Variants in PKP2 observed in about 807,000 individuals in gnomAD.
PKP2 encodes plakophilin-2.
A neutral mutation model predicts 83.4 loss-of-function variants in PKP2; 73 were observed. The ratio of observed to expected loss-of-function variants is 0.88; its 90% CI spans 0.72 to 1.06. PKP2 has a LOEUF of 1.06. Ranked by LOEUF, PKP2 falls within the 50% of genes least tolerant of loss-of-function variation. PKP2 has a pLI of 0.00. For synonymous variants in PKP2, 409 were observed against 430.4 expected (o/e 0.95, Z 0.62); for missense variants, 966 against 1,065.4 (o/e 0.91, Z 1.30).
chr12:32,880,335 G>A (rs964348603), intron 1 of PKP2, among the ~76,000 whole-genome samples: 2 of 152,024 alleles, frequency 1.3e-5, no homozygotes, highest in African/African-American at 4.8e-5. Flanking sequence ...GGGAGGCAGA[G>A]GTTGCAGTGA....
chr12:32,864,444 A>C (rs1956829427), intron 4 of PKP2, among the ~76,000 whole-genome samples: 1 of 151,758 alleles, frequency 6.6e-6, no homozygotes, highest in Non-Finnish European at 1.5e-5. Context: ...AGCATCTGGA[A>C]ATATGATAAA....
chr12:32,855,942 G>A (rs887159962), intron 4 of PKP2, among the ~76,000 whole-genome samples: 52 of 151,966 alleles, frequency 3.4e-4, no homozygotes, highest in African/African-American at 1.2e-3. Context: ...TATTTATTTC[G>A]ATTTAAAAAT....
intron 2 of PKP2, 62 bp downstream of exon 2, chr12:32,878,858 A>G: frequency 1.1e-6 from 1 of 924,450 alleles, no homozygotes; most frequent in Non-Finnish European, 1.8e-6. Context: ...AATCTTAGGA[A>G]GTTTGAAAAT....
Position 32,821,544 on chromosome 12 carries a change from A to G in PKP2, c.1840-15T>C, listed in dbSNP as rs1360375557. On this transcript the variant is annotated splice_polypyrimidine_tract_variant and intron_variant, in intron 8 of 12. Transcript: ENST00000340811. ...TCCTGGTATTGCTGACCACACACAA[A>G]AGGAATCCAGAATTAATGCATGTCA... is the stretch of plus-strand genomic sequence containing the variant. 1 of 1,613,832 alleles carries G rather than the reference A, an allele frequency of 6.2e-7. No homozygotes were observed. Among genetic ancestry groups the G allele is most frequent in the Non-Finnish European group, 8.5e-7 (1 of 1,179,836 alleles).
At position 32,877,901 on chromosome 12, in the gene PKP2, C is replaced by T; in HGVS notation, c.979G>A (p.Gly327Arg). 1 of 1,614,206 alleles carries T rather than the reference C, an allele frequency of 6.2e-7. No homozygotes were observed. ...TCAGTGAGCAGATTCCCACTTCCCC[C>T]TGCGGCCGCCTGGCCGACAGTCAAG... ...AHLTVGQAAA[G>R]GSGNLLTERS... Residue 327 changes from glycine (G) to arginine (R), a missense_variant, in exon 3 of 13, where the codon GGG becomes AGG. By Grantham distance (125) the Gly-to-Arg change is moderately radical (BLOSUM62 -2). Transcript: ENST00000340811.
intron 11 of PKP2, 65 bp from the exon 12 acceptor site, chr12:32,792,796 G>T: frequency 7.8e-7 from 1 of 1,288,560 alleles, no homozygotes; most frequent in Non-Finnish European, 1.1e-6. Flanking sequence ...CGGCCTGTGG[G>T]TGTTCTGTAA....
chr12:32,795,300 G>T lies in PKP2; in HGVS notation c.2357+809C>A, dbSNP rs183059845. 1.0e-3 allele frequency among the ~76,000 whole-genome samples: 155 copies of T among 150,642 alleles called. No individual in the cohort carries two copies. In the Middle Eastern group the frequency reaches 0.017, roughly 17 times the overall value. On this transcript the variant is annotated intron_variant, in intron 11 of 12. Transcript: ENST00000340811. The stretch of plus-strand genomic sequence containing the variant: ...TAAGATGCGGAAGAGATAAGACAGA[G>T]AAAAAACTGTGAAAGCAAGACTTTC...
At chr12:32,893,493 T>A (rs1957093155) in intron 1 of PKP2, 1 of 152,258 alleles carries the variant, frequency 6.6e-6, no homozygotes. Flanking sequence ...AATTGTTTCA[T>A]GGCATGCTAA....
rs553370009 is a variant in PKP2, at chr12:32,832,630, A to C, written c.1556+8398T>G. 2.0e-3 allele frequency among the ~76,000 whole-genome samples: 306 copies of C among 152,294 alleles called. 4 individuals carry two copies. The highest frequency in any genetic ancestry group is 5.1e-4 in the Non-Finnish European group (35 of 68,012). Reference sequence around the variant, plus strand: ...TCAGTTGTCTTTCTATTTTTGGGAAAGCCAATCTCTGGGGTGAACTATCTA... The same window carrying C: ...TCAGTTGTCTTTCTATTTTTGGGAACGCCAATCTCTGGGGTGAACTATCTA... On this transcript the variant is annotated intron_variant, in intron 6 of 12. Transcript: ENST00000340811.
chr12:32,842,953 G>A (rs551683241), intron 5 of PKP2, among the ~76,000 whole-genome samples: 11 of 151,332 alleles, frequency 7.3e-5, no homozygotes, highest in Non-Finnish European at 1.6e-4. Flanking sequence ...GATTACAGGC[G>A]TGAGCCACTG....
chr12:32,883,553 C>T (rs973112179), intron 1 of PKP2, among the ~76,000 whole-genome samples: 4 of 152,170 alleles, frequency 2.6e-5, no homozygotes, highest in Non-Finnish European at 5.9e-5. Context: ...CAAAAACATA[C>T]ACAAAGGTGC....
intron 5 of PKP2, among the ~76,000 whole-genome samples, chr12:32,845,960 A>C (rs1956641220): frequency 6.6e-6 from 1 of 152,230 alleles, no homozygotes; most frequent in African/African-American, 2.4e-5. Context: ...TGCGGAATAA[A>C]ATAATATACA....
At chr12:32,835,425 T>G (rs12311719) in intron 6 of PKP2, among the ~76,000 whole-genome samples, 11,504 of 152,040 alleles carry the variant, frequency 0.076, 481 homozygotes, top group African/African-American at 0.099. Context: ...GGAAGAGCAA[T>G]CTGATAACTG....
chr12:32,834,705 G>C (rs1016990834), intron 6 of PKP2, among the ~76,000 whole-genome samples: 7 of 151,968 alleles, frequency 4.6e-5, no homozygotes, highest in Non-Finnish European at 8.8e-5. Context: ...AAGAAGACTG[G>C]GGGGGAGGAG....
At position 32,878,603 on chromosome 12, in the gene PKP2, GACTAATT is replaced by G; in HGVS notation, c.337-67_337-61del. On this transcript the variant is annotated intron_variant, in intron 2 of 12. Transcript: ENST00000340811. ...TAAATCAAATTTCAACTTTGCTGAG[GACTAATT>G]ACTCTGGGACTATTACCCAACATGT... 10 of 1,323,838 alleles carry G rather than the reference GACTAATT, an allele frequency of 7.6e-6. 1 individual carries two copies. In the South Asian group the frequency reaches 1.0e-4, roughly 14 times the overall value. 82.0% of individuals were successfully genotyped at this position (1,323,838 alleles called of 1,614,324 possible).
At chr12:32,853,843 A>C (rs1956722252) in intron 4 of PKP2, among the ~76,000 whole-genome samples, 1 of 152,174 alleles carries the variant, frequency 6.6e-6, no homozygotes, top group South Asian at 2.1e-4. Context: ...AAACTACAGA[A>C]AGAAAGGCCT....
At chr12:32,808,066 G>A (rs1956242961) in intron 9 of PKP2, among the ~76,000 whole-genome samples, 1 of 152,066 alleles carries the variant, frequency 6.6e-6, no homozygotes, top group African/African-American at 2.4e-5. Flanking sequence ...TTGAATGTTG[G>A]CCTGTCTTGA....
chr12:32,840,967 C>T, intron 6 of PKP2, 61 bp downstream of exon 6: 1 of 1,264,300 alleles, frequency 7.9e-7, no homozygotes, highest in Non-Finnish European at 1.2e-6. Flanking sequence ...ATCCTGACTT[C>T]CTTGGGGCTA....
chr12:32,867,770 TTGTG>T (rs1218962503), intron 4 of PKP2, among the ~76,000 whole-genome samples: 1 of 152,196 alleles, frequency 6.6e-6, no homozygotes, highest in African/African-American at 2.4e-5. Context: ...ATATATGTGT[TTGTG>T]TGTGAGAGAG....
Sources: allele counts gnomAD v4.1 joint callset (sites outside exome capture counted in the v4.1 genomes callset), GRCh38; gene constraint gnomAD v4.1.1; transcripts MANE v1.5; gene names NCBI Gene and HGNC (gene_info 2026-07-23, HGNC 2026-07-21).